Variants in CSMD1 observed in about 807,000 individuals in gnomAD.
CSMD1 encodes the protein CUB and sushi domain-containing protein 1.
Under a neutral mutation model 417.5 loss-of-function variants are expected in CSMD1, and 213 were observed. The ratio of observed to expected loss-of-function variants is 0.51; its 90% CI spans 0.46 to 0.57. CSMD1 has a LOEUF of 0.57. Among genes scored for constraint, CSMD1 ranks in the 20% least tolerant of loss-of-function variants. The probability of loss-of-function intolerance (pLI) is 0.00; values close to 1 mark genes in which losing one functional copy is unlikely to be tolerated. For missense variants in CSMD1, 6,923 were observed against 4,529.7 expected, an observed-to-expected ratio of 1.53 and a Z score of -15.17; for synonymous variants, 2,862 against 1,736.8, an observed-to-expected ratio of 1.65 and a Z score of -16.11.
intron 5 of CSMD1, among the ~76,000 whole-genome samples, chr8:3,899,670 T>G (rs1807600339): frequency 6.6e-6 from 1 of 152,200 alleles, no homozygotes; most frequent in Non-Finnish European, 1.5e-5. Context: ...AAGGTGGCTT[T>G]TGTTATAATC....
chr8:4,969,712 G>A (rs1454647609), intron 1 of CSMD1, among the ~76,000 whole-genome samples: 1 of 151,994 alleles, frequency 6.6e-6, no homozygotes, highest in Non-Finnish European at 1.5e-5. Flanking sequence ...TCCTGCGGCT[G>A]GCTTTCTCTT....
intron 5 of CSMD1, among the ~76,000 whole-genome samples, chr8:3,911,956 C>G (rs761672419): frequency 1.3e-5 from 2 of 152,192 alleles, no homozygotes; most frequent in Non-Finnish European, 2.9e-5. Context: ...CCACCTGAAT[C>G]TTACATCTTC....
chr8:3,633,599 T>A (rs1796886989), intron 7 of CSMD1, among the ~76,000 whole-genome samples: 1 of 152,218 alleles, frequency 6.6e-6, no homozygotes, highest in African/African-American at 2.4e-5. Flanking sequence ...TCATCTTAAT[T>A]TGAAAGGATA....
intron 3 of CSMD1, among the ~76,000 whole-genome samples, chr8:4,146,870 A>G (rs1804168372): frequency 6.6e-6 from 1 of 150,624 alleles, no homozygotes; most frequent in Non-Finnish European, 1.5e-5. Flanking sequence ...TCAGCCTCCC[A>G]AAGTGCCGGC....
intron 1 of CSMD1, among the ~76,000 whole-genome samples, chr8:4,775,729 C>G (rs1402106623): frequency 6.6e-6 from 1 of 152,172 alleles, no homozygotes; most frequent in East Asian, 1.9e-4. Context: ...GATGGGATAT[C>G]TCCAGAATGT....
intron 1 of CSMD1, among the ~76,000 whole-genome samples, chr8:4,988,943 G>A (rs1032336371): frequency 2.6e-5 from 4 of 152,148 alleles, no homozygotes; most frequent in Non-Finnish European, 5.9e-5. Flanking sequence ...TTTTAATTCC[G>A]TTACTTACCA....
At chr8:4,951,483 G>T (rs2117285028) in intron 1 of CSMD1, among the ~76,000 whole-genome samples, 1 of 147,656 alleles carries the variant, frequency 6.8e-6, no homozygotes, top group Admixed American at 6.8e-5. Context: ...GAAGGAAAAG[G>T]AAACAGAACA....
At chr8:4,438,078 T>G (rs1450546654) in intron 2 of CSMD1, among the ~76,000 whole-genome samples, 1 of 152,302 alleles carries the variant, frequency 6.6e-6, no homozygotes, top group Admixed American at 6.5e-5. Context: ...CACACTCAGC[T>G]TCTTTGGTTT....
intron 3 of CSMD1, among the ~76,000 whole-genome samples, chr8:4,373,504 CA>C (rs1193025572): frequency 6.6e-6 from 1 of 152,108 alleles, no homozygotes; most frequent in Non-Finnish European, 1.5e-5. Flanking sequence ...GTTTATTTAG[CA>C]AAAAACTTTC....
At chr8:3,986,517 C>G (rs1412212299) in intron 5 of CSMD1, among the ~76,000 whole-genome samples, 2 of 152,116 alleles carry the variant, frequency 1.3e-5, no homozygotes, top group African/African-American at 4.8e-5. Flanking sequence ...CTTCTCCTTT[C>G]TTTTTCTACT....
At chr8:3,089,119 G>C (rs1227469847) in intron 48 of CSMD1, among the ~76,000 whole-genome samples, 1 of 152,220 alleles carries the variant, frequency 6.6e-6, no homozygotes. Flanking sequence ...GACTGGAGCA[G>C]GGGCCCTGCC....
intron 3 of CSMD1, among the ~76,000 whole-genome samples, chr8:4,237,226 C>A (rs1802120237): frequency 6.6e-6 from 1 of 152,270 alleles, no homozygotes; most frequent in East Asian, 1.9e-4. Flanking sequence ...TTAATTTTTT[C>A]CGAAGTAGAC....
chr8:3,238,488 T>TGGAG (rs1364713790), intron 26 of CSMD1, among the ~76,000 whole-genome samples: 1 of 151,932 alleles, frequency 6.6e-6, no homozygotes, highest in African/African-American at 2.4e-5. Context: ...GGGGGTGGTA[T>TGGAG]GGAGACATAA....
chr8:3,913,023 G>A (rs746627173), intron 5 of CSMD1, among the ~76,000 whole-genome samples: 1 of 152,118 alleles, frequency 6.6e-6, no homozygotes, highest in Admixed American at 6.5e-5. Context: ...ATGAGCTAAG[G>A]CGTGGAGAGA....
Position 4,058,157 on chromosome 8 carries a change from T to G in CSMD1, c.416-26058A>C, listed in dbSNP as rs186616497. Reference sequence around the variant, plus strand: ...CCATTTTCACGATATTGACTCTTCCTACCCATGAGCATGGAATGTTCTTCC... The same window carrying G: ...CCATTTTCACGATATTGACTCTTCCGACCCATGAGCATGGAATGTTCTTCC... On this transcript the variant is annotated intron_variant, in intron 3 of 69. Coordinates refer to ENST00000635120, the MANE Select transcript of CSMD1 (RefSeq NM_033225.6). Among the ~76,000 whole-genome samples, 40 of 152,292 alleles carry G rather than the reference T, an allele frequency of 2.6e-4. No individual in the cohort carries two copies. The East Asian group carries it at 7.4e-3, about 28-fold the overall frequency.
At chr8:3,209,916 C>G (rs1281680583) in intron 30 of CSMD1, among the ~76,000 whole-genome samples, 2 of 152,076 alleles carry the variant, frequency 1.3e-5, no homozygotes, top group Non-Finnish European at 2.9e-5. Flanking sequence ...ACAAAACTAG[C>G]AAACAGAAGT....
intron 3 of CSMD1, among the ~76,000 whole-genome samples, chr8:4,398,388 C>CTTTTTTTTTTTT (rs767579097): frequency 1.7e-5 from 2 of 114,494 alleles, no homozygotes; most frequent in Non-Finnish European, 3.4e-5. Flanking sequence ...GCTGCAACTT[C>CTTTTTTTTTTTT]TTTTTTTTTT....
chr8:3,884,288 TTG>T (rs1363322867), intron 5 of CSMD1, among the ~76,000 whole-genome samples: 12 of 152,204 alleles, frequency 7.9e-5, no homozygotes, highest in African/African-American at 2.9e-4. Flanking sequence ...CAATGGCCAC[TTG>T]TGTTTGTTAT....
At chr8:4,013,286 C>T (rs950409100) in intron 4 of CSMD1, among the ~76,000 whole-genome samples, 2 of 152,142 alleles carry the variant, frequency 1.3e-5, no homozygotes, top group Admixed American at 6.5e-5. Flanking sequence ...TCTGCTCAGG[C>T]CACACTGCCG....
Sources: allele counts gnomAD v4.1 joint callset (sites outside exome capture counted in the v4.1 genomes callset), GRCh38; gene constraint gnomAD v4.1.1; transcripts MANE v1.5; gene names NCBI Gene and HGNC (gene_info 2026-07-23, HGNC 2026-07-21).